The following MDM1 variants were observed in gnomAD, a reference collection of about 807,000 sequenced individuals.
MDM1 encodes Mdm1 nuclear protein.
A neutral mutation model predicts 89.1 loss-of-function variants in MDM1; 61 were observed. The ratio of observed to expected loss-of-function variants is 0.68; its 90% CI spans 0.56 to 0.85. The LOEUF (loss-of-function observed/expected upper bound fraction) is 0.85, where lower values mean the gene tolerates loss of function less well. Ranked by LOEUF, MDM1 falls within the 40% of genes least tolerant of loss-of-function variation. The pLI, the probability that MDM1 is intolerant of heterozygous loss-of-function variation, is 0.00. For missense variants in MDM1, 820 were observed against 846.5 expected, an observed-to-expected ratio of 0.97 and a Z score of 0.39; for synonymous variants, 290 against 294.1, an observed-to-expected ratio of 0.99 and a Z score of 0.14.
intron 7 of MDM1, among the ~76,000 whole-genome samples, chr12:68,317,318 G>A (rs1050814509): frequency 3.3e-5 from 5 of 151,696 alleles, no homozygotes; most frequent in African/African-American, 1.2e-4. Context: ...TTAAAATTCT[G>A]TTCAGTATCT....
intron 1 of MDM1, among the ~76,000 whole-genome samples, chr12:68,331,606 C>G (rs1876830677): frequency 6.6e-6 from 1 of 152,156 alleles, no homozygotes; most frequent in South Asian, 2.1e-4. Context: ...GGACCTTTTG[C>G]TATTTGATAA....
chr12:68,321,490 A>C, intron 6 of MDM1, 35 bp downstream of exon 6: 1 of 1,607,428 alleles, frequency 6.2e-7, no homozygotes, highest in Non-Finnish European at 8.5e-7. Flanking sequence ...CATGTTAATC[A>C]TTGAAATACC....
At chr12:68,323,701 T>G (rs1312733729) in intron 4 of MDM1, among the ~76,000 whole-genome samples, 1 of 152,202 alleles carries the variant, frequency 6.6e-6, no homozygotes, top group Non-Finnish European at 1.5e-5. Flanking sequence ...GAGCAATTAC[T>G]ACACTTCTAT....
intron 14 of MDM1, 75 bp downstream of exon 14, chr12:68,296,848 G>T: frequency 2.1e-6 from 2 of 969,372 alleles, no homozygotes; most frequent in Non-Finnish European, 3.0e-6. Context: ...GCTATAAAGT[G>T]CTAATCAAAT....
Position 68,330,994 on chromosome 12 carries a change from AAT to A in MDM1, c.133+111_133+112del, listed in dbSNP as rs1013741753. On this transcript the variant is annotated intron_variant, in intron 2 of 14. Transcript: ENST00000682720. ...AATCAACCAGGCCAACTGAACTTTT[AAT>A]ATATCATTTGGTAAACTTAGCCCAA... 1.5e-5 allele frequency: 10 copies of A among 677,030 alleles called. No homozygotes were observed. The African/African-American group carries it at 1.8e-4, about 12-fold the overall frequency. 41.9% of individuals were successfully genotyped at this position (677,030 alleles called of 1,614,324 possible). A position where few individuals can be genotyped will look rare whatever the true frequency, so the allele number is the denominator to read the frequency against.
At chr12:68,325,154 T>A (rs963696792) in intron 4 of MDM1, 9 of 1,028,480 alleles carry the variant, frequency 8.8e-6, no homozygotes, top group Non-Finnish European at 1.1e-5. Flanking sequence ...AAAAATCTTG[T>A]AGCATGCAAA....
intron 13 of MDM1, among the ~76,000 whole-genome samples, chr12:68,297,188 T>C (rs1473517058): frequency 6.6e-6 from 1 of 152,238 alleles, no homozygotes; most frequent in Non-Finnish European, 1.5e-5. Context: ...GGGCCATTCA[T>C]AATTTATAAT....
chr12:68,332,276 G>T lies in MDM1; in HGVS notation c.-31C>A, dbSNP rs1220028568. 5 of 1,579,824 alleles carry T rather than the reference G, an allele frequency of 3.2e-6. No homozygotes were observed. The Admixed American group carries it at 7.2e-5, about 23-fold the overall frequency. ...CCGGCGCCGGAGCCCCCGCTACTCC[G>T]ACAGTTAACTGGAGAAAAAGCTCCG... On this transcript the variant is annotated 5_prime_UTR_variant, in exon 1 of 15. Coordinates refer to ENST00000682720, the MANE Select transcript of MDM1 (RefSeq NM_001354969.2).
chr12:68,327,234 T>C (rs1295469914), intron 2 of MDM1: 1 of 1,406,472 alleles, frequency 7.1e-7, no homozygotes, highest in Non-Finnish European at 9.2e-7. Context: ...CATTAAAAAT[T>C]TGACCATAAC....
chr12:68,296,084 C>T (rs553434162), intron 14 of MDM1, among the ~76,000 whole-genome samples: 3 of 152,160 alleles, frequency 2.0e-5, no homozygotes, highest in Admixed American at 1.3e-4. Context: ...AATTTACTTC[C>T]AATTCAAACT....
In MDM1 at chr12:68,295,228, C is replaced by A; in HGVS notation, c.*26G>T. 1 of 1,482,740 alleles carries A rather than the reference C, an allele frequency of 6.7e-7. No individual in the cohort carries two copies. The highest frequency in any genetic ancestry group is 9.3e-7 in the Non-Finnish European group (1 of 1,080,740). The allele number at this position is 1,482,740 out of a possible 1,614,324, so 91.8% of individuals were successfully genotyped here. A position where few individuals can be genotyped will look rare whatever the true frequency, so the allele number is the denominator to read the frequency against. On this transcript the variant is annotated 3_prime_UTR_variant, in exon 15 of 15. Coordinates refer to ENST00000682720, the MANE Select transcript of MDM1 (RefSeq NM_001354969.2). The stretch of plus-strand genomic sequence containing the variant: ...TAAAGAAAAATTATGCCAATGTTTC[C>A]TTAGATAAAGGCAACTCAGCTAGGT...
intron 12 of MDM1, among the ~76,000 whole-genome samples, chr12:68,304,774 C>G (rs925693590): frequency 1.3e-5 from 2 of 152,206 alleles, no homozygotes; most frequent in African/African-American, 4.8e-5. Context: ...CCTCACTGCT[C>G]TACTCAGCCC....
chr12:68,326,983 CTCT>C lies in MDM1; in HGVS notation c.169_171del (p.Arg57del). ...GAAATCTGTGGGTCATGGTAAGGGA[CTCT>C]TCTTTTTGAAATAAAACTTGGCTCT... On this transcript the variant is annotated inframe_deletion, in exon 3 of 15. Transcript: ENST00000682720. 6.2e-7 allele frequency: 1 copy of C among 1,605,068 alleles called. No individual in the cohort carries two copies. Among genetic ancestry groups the C allele is most frequent in the Non-Finnish European group, 8.5e-7 (1 of 1,177,248 alleles).
At position 68,315,062 on chromosome 12, in the gene MDM1, T is replaced by G; in HGVS notation, c.1415A>C (p.Glu472Ala). Reference sequence around the variant, plus strand: ...CCCTTCCTCTTCATTGTCGTCCTCCTCCTCTTTCTCCCCGGGCTGTTTCTG... The same window carrying G: ...CCCTTCCTCTTCATTGTCGTCCTCCGCCTCTTTCTCCCCGGGCTGTTTCTG... ...DVQKQPGEKE[E>A]EDDNEEEGDR... The change falls in exon 10 of 15, where the codon GAG becomes GCG. Residue 472 changes from glutamate (E) to alanine (A), a missense_variant. Coordinates refer to ENST00000682720, the MANE Select transcript of MDM1 (RefSeq NM_001354969.2). The G allele has an allele frequency of 6.2e-7, 1 of 1,614,150 alleles. No individual in the cohort carries two copies. Among genetic ancestry groups the G allele is most frequent in the East Asian group, 2.2e-5 (1 of 44,884 alleles).
chr12:68,311,517 T>C (rs1258046521), intron 12 of MDM1, among the ~76,000 whole-genome samples: 1 of 152,218 alleles, frequency 6.6e-6, no homozygotes, highest in East Asian at 1.9e-4. Context: ...TGCCTGCCCA[T>C]GAATTCTGCT....
At chr12:68,331,715 G>C (rs1393097176) in intron 1 of MDM1, among the ~76,000 whole-genome samples, 1 of 152,206 alleles carries the variant, frequency 6.6e-6, no homozygotes, top group East Asian at 1.9e-4. Flanking sequence ...TGAAGTTGCA[G>C]GGTGCTAGTC....
chr12:68,313,731 C>T lies in MDM1; in HGVS notation c.1552G>A (p.Glu518Lys), dbSNP rs1874041323. 6.2e-7 allele frequency: 1 copy of T among 1,613,958 alleles called. No homozygotes were observed. The highest frequency in any genetic ancestry group is 1.1e-5 in the South Asian group (1 of 91,082). Residue 518 changes from glutamate (E) to lysine (K), a missense_variant, in exon 11 of 15, where the codon GAA becomes AAA. Glu to Lys is a moderately conservative substitution (Grantham distance 56, BLOSUM62 1). Transcript: ENST00000682720. ...GGAGTAGGAAGCCGGCCTCCTTTTT[C>T]TGAGGATACAGAAGAATCTGACCTA... ...KEGSDSSVSS[E>K]KGGRLPTPKL... is the part of the protein sequence containing the mutation.
intron 3 of MDM1, 84 bp from the exon 4 acceptor site, chr12:68,325,659 T>C: frequency 1.4e-6 from 2 of 1,396,652 alleles, no homozygotes; most frequent in Non-Finnish European, 1.9e-6. Context: ...ATGCATAACA[T>C]GAAATCTATC....
chr12:68,297,621 T>C (rs913081028), intron 13 of MDM1, among the ~76,000 whole-genome samples: 2 of 152,172 alleles, frequency 1.3e-5, no homozygotes, highest in African/African-American at 4.8e-5. Flanking sequence ...AGGTCCTCCT[T>C]TAAATTTGCA....
Sources: gnomAD v4.1 joint callset for allele counts (sites outside exome capture counted in the v4.1 genomes callset) on GRCh38, gnomAD v4.1.1 for gene constraint, MANE v1.5 for transcripts, NCBI Gene and HGNC (gene_info 2026-07-23, HGNC 2026-07-21) for gene names.